Variants in NCAN observed in about 807,000 individuals in gnomAD.
NCAN encodes the protein neurocan.
In NCAN, 47 loss-of-function variants were observed where a neutral mutation model predicts 121.8. The observed-to-expected ratio is 0.39, with a 90% CI of 0.31 to 0.49. NCAN has a LOEUF of 0.49. Among genes scored for constraint, NCAN ranks in the 20% least tolerant of loss-of-function variants. The probability of loss-of-function intolerance (pLI) is 0.92; values close to 1 mark genes in which losing one functional copy is unlikely to be tolerated. For synonymous variants in NCAN, 633 were observed against 702.0 expected (o/e 0.90, Z 1.55); for missense variants, 1,517 against 1,773.4 (o/e 0.86, Z 2.60).
intron 8 of NCAN, among the ~76,000 whole-genome samples, chr19:19,229,162 T>C (rs2060849270): frequency 6.6e-6 from 1 of 152,126 alleles, no homozygotes; most frequent in South Asian, 2.1e-4. Flanking sequence ...GAGCTGAGAT[T>C]GTACCACTGC....
rs1000587004 is a variant in NCAN, at chr19:19,225,765, C to T, written c.1072+495C>T. 6.6e-6 allele frequency among the ~76,000 whole-genome samples: 1 copy of T among 152,186 alleles called. No homozygotes were observed. The highest frequency in any genetic ancestry group is 1.5e-5 in the Non-Finnish European group (1 of 68,024). ...CATCAACCCCAAGGAGCCATGTCCT[C>T]TAAGTAAGCTGCCCCAGTCCTGGCA... On this transcript the variant is annotated intron_variant, in intron 6 of 14. Coordinates refer to ENST00000252575, the MANE Select transcript of NCAN (RefSeq NM_004386.3). The surrounding 1 kb of genome is among the most constrained non-coding windows in gnomAD (Gnocchi z 4.0).
At chr19:19,235,292 T>C (rs2060876914) in intron 10 of NCAN, among the ~76,000 whole-genome samples, 196 bp downstream of exon 10, 1 of 152,184 alleles carries the variant, frequency 6.6e-6, no homozygotes, top group South Asian at 2.1e-4. Context: ...TTTTTTGAGA[T>C]GGAATCTTGC....
At chr19:19,219,524 G>A (rs1329052670) in intron 3 of NCAN, among the ~76,000 whole-genome samples, 4 of 151,784 alleles carry the variant, frequency 2.6e-5, no homozygotes, top group South Asian at 4.1e-4. Context: ...GTGAAACCTC[G>A]TCTCCACAGA....
At chr19:19,228,847 G>A (rs2060848016) in intron 8 of NCAN, among the ~76,000 whole-genome samples, 1 of 152,170 alleles carries the variant, frequency 6.6e-6, no homozygotes, top group African/African-American at 2.4e-5. Flanking sequence ...ACTGGCAAAG[G>A]CCAGGAGATG....
rs769649216 is a variant in NCAN, at chr19:19,219,037, C to T, written c.196C>T (p.Arg66Trp). Residue 66 changes from arginine (R) to tryptophan (W), a missense_variant, in exon 3 of 15, where the codon CGG becomes TGG. By Grantham distance (101) the Arg-to-Trp change is moderately radical. Transcript: ENST00000252575. ...GCCCTGTCTCTTTACCCTGCAGCCACGGCCAAGCGCAGCCCGAGATGCCCC... is the reference window on the plus strand; with the variant it reads ...GCCCTGTCTCTTTACCCTGCAGCCATGGCCAAGCGCAGCCCGAGATGCCCC... ...ALPCLFTLQP[R>W]PSAARDAPRI... 9 of 1,611,454 alleles carry T rather than the reference C, an allele frequency of 5.6e-6. No individual in the cohort carries two copies. The highest frequency in any genetic ancestry group is 1.1e-5 in the South Asian group (1 of 90,716).
chr19:19,221,038 G>A (rs4808928), intron 3 of NCAN, among the ~76,000 whole-genome samples: 7,405 of 152,254 alleles, frequency 0.049, 260 homozygotes, highest in Middle Eastern at 0.14. Flanking sequence ...TTTGAGACCA[G>A]CCTGGGCAAC....
chr19:19,235,155 C>A, intron 10 of NCAN, 59 bp downstream of exon 10: 1 of 1,084,694 alleles, frequency 9.2e-7, no homozygotes, highest in Non-Finnish European at 1.4e-6. Context: ...TGCCCAGCCA[C>A]AGGCTTCCCC....
chr19:19,247,218 TGGACTAC>T (rs1320840174), intron 13 of NCAN, among the ~76,000 whole-genome samples: 1 of 152,044 alleles, frequency 6.6e-6, no homozygotes, highest in Non-Finnish European at 1.5e-5. Flanking sequence ...TACCAGTAGC[TGGACTAC>T]GGGTGCACAC....
At position 19,249,794 on chromosome 19, in the gene NCAN, C is replaced by A. The variant is rs778534495; in HGVS notation, c.3849C>A (p.His1283Gln). The A allele has an allele frequency of 6.2e-7, 1 of 1,601,262 alleles. No individual in the cohort carries two copies. The highest frequency in any genetic ancestry group is 8.5e-7 in the Non-Finnish European group (1 of 1,174,136). Residue 1283 changes from histidine to glutamine, a missense_variant, in exon 15 of 15, where the codon CAC (histidine) becomes CAA (glutamine). Transcript: ENST00000252575. ...GACGTTCACATCGGATGCGGCGACA[C>A]CACCACCACCACCAACACCACCACC... ...KPRRSHRMRR[H>Q]HHHHQHHHQH...
In NCAN at chr19:19,219,007, G is replaced by C; in HGVS notation, c.166G>C (p.Ala56Pro). Residue 56 changes from alanine to proline, a missense_variant, in exon 3 of 15, where the codon GCC becomes CCC. Coordinates refer to ENST00000252575, the MANE Select transcript of NCAN (RefSeq NM_004386.3). ...GCAGGCTGCGCTGGCGGAGCTGGTG[G>C]CCCTGCCCTGTCTCTTTACCCTGCA... is the stretch of plus-strand genomic sequence containing the variant. ...SVQAALAELV[A>P]LPCLFTLQPR... 1 of 1,605,678 alleles carries C rather than the reference G, an allele frequency of 6.2e-7. No individual in the cohort carries two copies. Among genetic ancestry groups the C allele is most frequent in the Non-Finnish European group, 8.5e-7 (1 of 1,174,982 alleles).
Position 19,227,437 on chromosome 19 carries a change from C to T in NCAN, c.1817C>T (p.Pro606Leu), listed in dbSNP as rs924769150. 6.8e-6 allele frequency: 11 copies of T among 1,613,694 alleles called. No individual in the cohort carries two copies. The highest frequency in any genetic ancestry group is 4.4e-5 in the South Asian group (4 of 91,074). Reference protein sequence around the residue: ...RPATPDLFWSPLEATVSAPSP... With the variant: ...RPATPDLFWSLLEATVSAPSP... ...GCCACCCCAGACCTGTTTTGGTCCC[C>T]CTTGGAGGCCACTGTCTCAGCTCCC... Residue 606 changes from proline (P) to leucine (L), a missense_variant, in exon 8 of 15, where the codon CCC (proline) becomes CTC (leucine). By Grantham distance (98) the Pro-to-Leu change is moderately conservative (BLOSUM62 -3). Coordinates refer to ENST00000252575, the MANE Select transcript of NCAN (RefSeq NM_004386.3). This position sits in a 1 kb window ranked among gnomAD's most constrained non-coding sequence, Gnocchi z 4.2.
chr19:19,235,526 C>T (rs1477364441), intron 10 of NCAN, among the ~76,000 whole-genome samples: 1 of 151,754 alleles, frequency 6.6e-6, no homozygotes, highest in East Asian at 1.9e-4. Flanking sequence ...CCCACCTTGG[C>T]ATCCCAAAGT....
At position 19,226,918 on chromosome 19, in the gene NCAN, G is replaced by A; in HGVS notation, c.1505G>A (p.Gly502Glu). The A allele has an allele frequency of 6.3e-7, 1 of 1,599,174 alleles. No individual in the cohort carries two copies. Among genetic ancestry groups the A allele is most frequent in the Non-Finnish European group, 8.5e-7 (1 of 1,171,340 alleles). ...CAGGAACCGGAGCCGGGGCTGCAAG[G>A]GGGGATGGAGGCCAGCGCCCAGCCC... ...QQQEPEPGLQ[G>E]GMEASAQPPT... The change falls in exon 7 of 15, where the codon GGG (glycine) becomes GAG (glutamate). Residue 502 changes from glycine (G) to glutamate (E), a missense_variant. Physicochemically the swap from Gly to Glu is moderately conservative, Grantham distance 98. Transcript: ENST00000252575.
chr19:19,217,793 C>G (rs1242949324), intron 2 of NCAN, among the ~76,000 whole-genome samples: 3 of 152,044 alleles, frequency 2.0e-5, no homozygotes, highest in Non-Finnish European at 4.4e-5. Flanking sequence ...TCCAGGCTAG[C>G]CTGCCTAACA....
chr19:19,222,176 T>G (rs1209102901), intron 3 of NCAN, among the ~76,000 whole-genome samples: 3 of 152,156 alleles, frequency 2.0e-5, no homozygotes, highest in African/African-American at 7.2e-5. Context: ...GCCTCATTTC[T>G]GAAAATTGAT....
In NCAN at chr19:19,212,919, C is replaced by G. The variant is rs2060780685; in HGVS notation, c.-8+855C>G. ...ATGACACAGACCCCTACCCCCACCC[C>G]CTTTAGTTCCACCTGTCCATATGGA... On this transcript the variant is annotated intron_variant, in intron 1 of 14. Transcript: ENST00000252575. The surrounding 1 kb of genome is among the most constrained non-coding windows in gnomAD (Gnocchi z 4.5). 6.6e-6 allele frequency among the ~76,000 whole-genome samples: 1 copy of G among 152,196 alleles called. No homozygotes were observed. The highest frequency in any genetic ancestry group is 2.4e-5 in the African/African-American group (1 of 41,456).
chr19:19,234,134 C>T (rs1198791128), intron 9 of NCAN, among the ~76,000 whole-genome samples: 1 of 152,166 alleles, frequency 6.6e-6, no homozygotes, highest in Non-Finnish European at 1.5e-5. Flanking sequence ...TACTACCAGT[C>T]AGAGGTGGGA....
At chr19:19,220,333 C>T (rs1248628051) in intron 3 of NCAN, among the ~76,000 whole-genome samples, 2 of 151,024 alleles carry the variant, frequency 1.3e-5, no homozygotes, top group African/African-American at 2.4e-5. Context: ...TAAAAAATTC[C>T]TTGTAAAATA....
chr19:19,248,470 A>G (rs1299573667), intron 13 of NCAN, among the ~76,000 whole-genome samples: 3 of 151,366 alleles, frequency 2.0e-5, no homozygotes. Flanking sequence ...AAATACAAAA[A>G]TTAGCCAGGT....
Sources: gnomAD v4.1 joint callset for allele counts (sites outside exome capture counted in the v4.1 genomes callset) on GRCh38, gnomAD v4.1.1 for gene constraint, Gnocchi (gnomAD v3.1) non-coding constraint, MANE v1.5 for transcripts, NCBI Gene and HGNC (gene_info 2026-07-23, HGNC 2026-07-21) for gene names.